COL4A5: variants seen among roughly 807,000 people sequenced by gnomAD.
COL4A5 encodes collagen type IV alpha 5 chain.
A neutral mutation model predicts 130.2 loss-of-function variants in COL4A5; 26 were observed. The ratio of observed to expected loss-of-function variants is 0.20; its 90% CI spans 0.15 to 0.28. The LOEUF is 0.28. Among genes scored for constraint, COL4A5 ranks in the 10% least tolerant of loss-of-function variants. The probability of loss-of-function intolerance (pLI) is 1.00; values close to 1 mark genes in which losing one functional copy is unlikely to be tolerated. For missense variants in COL4A5, 1,131 were observed against 1,344.3 expected (o/e 0.84, Z 2.48); for synonymous variants, 496 against 439.6 (o/e 1.13, Z -1.60).
chrX:108,472,187 T>C (rs765423371), intron 1 of COL4A5, among the ~76,000 whole-genome samples: 57 of 112,142 alleles, frequency 5.1e-4, no homozygotes, highest in African/African-American at 1.7e-3. Context: ...TTTAATTCCA[T>C]TGTGATTGGA....
At chrX:108,468,503 T>G (rs1378753437) in intron 1 of COL4A5, among the ~76,000 whole-genome samples, 1 of 89,784 alleles carries the variant, frequency 1.1e-5, no homozygotes, top group African/African-American at 6.6e-5. Context: ...TCGTAAGTGT[T>G]TTTTTTTTTT....
At chrX:108,568,955 C>A (rs939967875) in intron 6 of COL4A5, 134 bp downstream of exon 6, 1 of 517,178 alleles carries the variant, frequency 1.9e-6, no homozygotes, top group East Asian at 3.6e-5. Context: ...AAAGTATGCT[C>A]TGACTATAAT....
chrX:108,594,954 G>T (rs1400202678), intron 21 of COL4A5, among the ~76,000 whole-genome samples: 1 of 110,362 alleles, frequency 9.1e-6, no homozygotes, highest in Admixed American at 9.7e-5. Flanking sequence ...AATCTCCTAA[G>T]GCTCAAGCAA....
At chrX:108,478,661 A>G (rs1442397622) in intron 1 of COL4A5, among the ~76,000 whole-genome samples, 1 of 111,954 alleles carries the variant, frequency 8.9e-6, no homozygotes, top group Non-Finnish European at 1.9e-5. Context: ...TTCCATGACC[A>G]TGAGCCCACT....
intron 1 of COL4A5, among the ~76,000 whole-genome samples, chrX:108,450,347 GC>G (rs1290783181): frequency 9.0e-6 from 1 of 111,515 alleles, no homozygotes; most frequent in African/African-American, 3.3e-5. Flanking sequence ...TCCTGCTTCA[GC>G]CCCCCAAAGA....
At chrX:108,483,306 C>A (rs1248061733) in intron 1 of COL4A5, among the ~76,000 whole-genome samples, 2 of 110,372 alleles carry the variant, frequency 1.8e-5, no homozygotes, top group East Asian at 5.7e-4. Context: ...CCACAATATG[C>A]TGTCTGCAAC....
chrX:108,540,782 T>G (rs1481841412), intron 2 of COL4A5, among the ~76,000 whole-genome samples: 1 of 112,459 alleles, frequency 8.9e-6, no homozygotes, highest in Non-Finnish European at 1.9e-5. Flanking sequence ...CAGCATCTCC[T>G]ATTGTACAGA....
At position 108,612,634 on chromosome X, in the gene COL4A5, C is replaced by T. The variant is rs1326920313; in HGVS notation, c.2396-2277C>T. ...TTTGTATGTGGAAAATTACAAAACA[C>T]TGTTGACAGAAATCAGATACCTAAA... is the stretch of plus-strand genomic sequence containing the variant. On this transcript the variant is annotated intron_variant, in intron 29 of 52. Coordinates refer to ENST00000328300, the MANE Select transcript of COL4A5 (RefSeq NM_033380.3). Among the ~76,000 whole-genome samples, 7 of 111,541 alleles carry T rather than the reference C, an allele frequency of 6.3e-5. No homozygotes were observed. The South Asian group carries it at 1.5e-3, about 23-fold the overall frequency.
chrX:108,550,037 A>G (rs1347525699), intron 2 of COL4A5, among the ~76,000 whole-genome samples: 1 of 111,932 alleles, frequency 8.9e-6, no homozygotes, highest in Non-Finnish European at 1.9e-5. Flanking sequence ...TTGAATTATC[A>G]ACCCTTCCAA....
intron 26 of COL4A5, 127 bp downstream of exon 26, chrX:108,601,612 C>G: frequency 1.9e-6 from 1 of 521,013 alleles, no homozygotes; most frequent in Non-Finnish European, 3.3e-6. Flanking sequence ...CTGCAGCAAC[C>G]TCCTACTTCT....
chrX:108,595,399 C>A, intron 21 of COL4A5, 110 bp from the exon 22 acceptor site: 1 of 645,186 alleles, frequency 1.5e-6, no homozygotes, highest in Non-Finnish European at 2.6e-6. Context: ...TCTCCAATCA[C>A]ACCATTAAGT....
chrX:108,641,361 A>G (rs2067462302), intron 36 of COL4A5, among the ~76,000 whole-genome samples: 2 of 111,686 alleles, frequency 1.8e-5, no homozygotes, highest in Admixed American at 9.5e-5. Flanking sequence ...AATTGAGGAG[A>G]GTGAGGATCA....
intron 1 of COL4A5, among the ~76,000 whole-genome samples, chrX:108,451,518 C>G (rs1318668289): frequency 9.0e-6 from 1 of 111,645 alleles, no homozygotes; most frequent in Non-Finnish European, 1.9e-5. Flanking sequence ...TGTTTTCTGA[C>G]TTTTTAATGA....
At chrX:108,476,193 A>G (rs954239921) in intron 1 of COL4A5, among the ~76,000 whole-genome samples, 1 of 111,943 alleles carries the variant, frequency 8.9e-6, no homozygotes, top group African/African-American at 3.2e-5. Flanking sequence ...TTCTAATTGT[A>G]TACGCCTTTA....
intron 6 of COL4A5, among the ~76,000 whole-genome samples, chrX:108,569,373 C>T: frequency 8.9e-6 from 1 of 111,833 alleles, no homozygotes; most frequent in Non-Finnish European, 1.9e-5. Context: ...TTAAATAACC[C>T]TAACTTTAGA....
intron 1 of COL4A5, among the ~76,000 whole-genome samples, chrX:108,444,782 T>C (rs1325490212): frequency 3.6e-5 from 4 of 112,102 alleles, no homozygotes; most frequent in African/African-American, 1.3e-4. Context: ...GGATTCATAA[T>C]GATACATCTG....
chrX:108,658,440 T>A (rs969347301), intron 37 of COL4A5, among the ~76,000 whole-genome samples: 4 of 110,953 alleles, frequency 3.6e-5, no homozygotes, highest in African/African-American at 9.8e-5. Context: ...TGTTTTAGTA[T>A]AGGGATTTGC....
chrX:108,511,472 C>T (rs1489570476), intron 1 of COL4A5, among the ~76,000 whole-genome samples: 2 of 111,495 alleles, frequency 1.8e-5, no homozygotes, highest in African/African-American at 6.5e-5. Flanking sequence ...ACCTAAAATT[C>T]ATATCGTATG....
chrX:108,642,575 A>G (rs1014897346), intron 36 of COL4A5, among the ~76,000 whole-genome samples: 1 of 110,999 alleles, frequency 9.0e-6, no homozygotes, highest in Non-Finnish European at 1.9e-5. Context: ...TGTGCAGACA[A>G]TTCTCAGTAG....
Sources: gnomAD v4.1 joint callset for allele counts (sites outside exome capture counted in the v4.1 genomes callset) on GRCh38, gnomAD v4.1.1 for gene constraint, MANE v1.5 for transcripts, NCBI Gene and HGNC (gene_info 2026-07-23, HGNC 2026-07-21) for gene names.